The following GRK5 variants were observed in gnomAD, a reference collection of about 807,000 sequenced individuals.
GRK5 encodes G protein-coupled receptor kinase 5.
Under a neutral mutation model 78.4 loss-of-function variants are expected in GRK5, and 40 were observed. The ratio of observed to expected loss-of-function variants is 0.51; its 90% CI spans 0.40 to 0.66. GRK5 has a LOEUF of 0.66. Ranked by LOEUF, GRK5 falls within the 30% of genes least tolerant of loss-of-function variation. The pLI is 0.00. For missense variants in GRK5, 598 were observed against 759.9 expected (o/e 0.79, Z 2.50); for synonymous variants, 289 against 296.8 (o/e 0.97, Z 0.27).
At chr10:119,234,191 T>C (rs576371080) in intron 1 of GRK5, among the ~76,000 whole-genome samples, 5 of 152,242 alleles carry the variant, frequency 3.3e-5, no homozygotes, top group Non-Finnish European at 7.3e-5. Context: ...TATTTTTATC[T>C]TAATTCCACA....
In GRK5 at chr10:119,451,740, C is replaced by T. The variant is rs551333277; in HGVS notation, c.1405-931C>T. Among the ~76,000 whole-genome samples, 9 of 152,348 alleles carry T rather than the reference C, an allele frequency of 5.9e-5. No individual in the cohort carries two copies. The Middle Eastern group carries it at 0.024, about 403-fold the overall frequency. On this transcript the variant is annotated intron_variant, in intron 13 of 15. Transcript: ENST00000392870. ...TTGAGCCTTGAGCTGGAGACCAGAG[C>T]AGACTGGAGGGGAGAGTCCCAGAAA... is the stretch of plus-strand genomic sequence containing the variant.
At chr10:119,424,929 C>T (rs1852642793) in intron 5 of GRK5, 64 bp from the exon 6 acceptor site, 1 of 1,169,346 alleles carries the variant, frequency 8.6e-7, no homozygotes, top group Non-Finnish European at 1.3e-6. Context: ...CTGGACACAG[C>T]TTTGCCCCCC....
At chr10:119,266,039 C>A (rs1387567976) in intron 1 of GRK5, among the ~76,000 whole-genome samples, 1 of 152,238 alleles carries the variant, frequency 6.6e-6, no homozygotes, top group Non-Finnish European at 1.5e-5. Context: ...TACCAGGAGA[C>A]AGAGGGCATC....
At chr10:119,362,411 A>C (rs1350596610) in intron 2 of GRK5, among the ~76,000 whole-genome samples, 1 of 152,236 alleles carries the variant, frequency 6.6e-6, no homozygotes, top group East Asian at 1.9e-4. Flanking sequence ...TTGGGAAAAC[A>C]AATGTGATTC....
chr10:119,306,255 C>T (rs143329964), intron 1 of GRK5, among the ~76,000 whole-genome samples: 2 of 152,318 alleles, frequency 1.3e-5, no homozygotes, highest in East Asian at 3.9e-4. Flanking sequence ...AACAGGCCAT[C>T]TGTGTGAGGT....
chr10:119,410,693 A>C (rs1852322494), intron 4 of GRK5, among the ~76,000 whole-genome samples: 1 of 152,008 alleles, frequency 6.6e-6, no homozygotes, highest in South Asian at 2.1e-4. Context: ...GGTCTAGAAA[A>C]GTGTCAGTTC....
chr10:119,374,153 C>T (rs1013660768), intron 2 of GRK5, among the ~76,000 whole-genome samples: 2 of 152,184 alleles, frequency 1.3e-5, no homozygotes, highest in Admixed American at 6.5e-5. Flanking sequence ...TAATCATCTG[C>T]ATTTGTGAAG....
At chr10:119,276,026 TG>T (rs1849664775) in intron 1 of GRK5, among the ~76,000 whole-genome samples, 1 of 152,184 alleles carries the variant, frequency 6.6e-6, no homozygotes, top group Non-Finnish European at 1.5e-5. Flanking sequence ...CTCCTCTGTT[TG>T]CCAGATTAAA....
rs1852808854 is a variant in GRK5 at position 119,431,153 on chromosome 10, A to G, written c.598-234A>G. 6.6e-6 allele frequency among the ~76,000 whole-genome samples: 1 copy of G among 152,072 alleles called. No homozygotes were observed. The highest frequency in any genetic ancestry group is 6.6e-5 in the Admixed American group (1 of 15,256). ...GTGAGTGGCTCATTCTGCCCCTTCC[A>G]GGGCTGGGAATCCTTGAAGGAGAGG... On this transcript the variant is annotated intron_variant, in intron 7 of 15. Transcript: ENST00000392870. The surrounding 1 kb of genome is among the most constrained non-coding windows in gnomAD (Gnocchi z 4.8).
chr10:119,210,648 G>T (rs1848472373), intron 1 of GRK5, among the ~76,000 whole-genome samples: 1 of 152,166 alleles, frequency 6.6e-6, no homozygotes, highest in African/African-American at 2.4e-5. Flanking sequence ...ACTTCTTAAA[G>T]ATTCTTGTCA....
At chr10:119,215,655 T>C (rs1848559811) in intron 1 of GRK5, among the ~76,000 whole-genome samples, 2 of 151,948 alleles carry the variant, frequency 1.3e-5, no homozygotes, top group Admixed American at 1.3e-4. Context: ...GGGGTTAAGC[T>C]ACCATATCCT....
intron 2 of GRK5, among the ~76,000 whole-genome samples, chr10:119,351,954 A>G (rs192414483): frequency 2.6e-5 from 4 of 152,232 alleles, no homozygotes; most frequent in African/African-American, 9.6e-5. Flanking sequence ...CCACTATGCT[A>G]TATGGCAATT....
chr10:119,296,240 A>G (rs370979560), intron 1 of GRK5, among the ~76,000 whole-genome samples: 1 of 152,334 alleles, frequency 6.6e-6, no homozygotes, highest in South Asian at 2.1e-4. Context: ...TCCCATTTAG[A>G]TGCTCAGCTG....
chr10:119,255,038 CA>C (rs11427427), intron 1 of GRK5, among the ~76,000 whole-genome samples: 9,414 of 113,540 alleles, frequency 0.083, 316 homozygotes, highest in Admixed American at 0.14. Context: ...GACTCAGTCT[CA>C]AAAAAAAAAA....
At chr10:119,342,059 G>T (rs1850992260) in intron 2 of GRK5, among the ~76,000 whole-genome samples, 1 of 145,188 alleles carries the variant, frequency 6.9e-6, no homozygotes, top group South Asian at 2.3e-4. Context: ...TGTCATGTCA[G>T]CCCTGTCTGG....
At chr10:119,423,933 T>C (rs1852621936) in intron 5 of GRK5, among the ~76,000 whole-genome samples, 1 of 152,204 alleles carries the variant, frequency 6.6e-6, no homozygotes, top group Non-Finnish European at 1.5e-5. Context: ...ATTGAGTACC[T>C]ACTGTGTACC....
intron 1 of GRK5, among the ~76,000 whole-genome samples, chr10:119,308,597 T>C (rs1850309776): frequency 6.6e-6 from 1 of 152,240 alleles, no homozygotes; most frequent in Non-Finnish European, 1.5e-5. Flanking sequence ...TGTGTTTTTC[T>C]TCCCGGTGAC....
At chr10:119,222,623 G>C (rs1459372012) in intron 1 of GRK5, among the ~76,000 whole-genome samples, 1 of 152,134 alleles carries the variant, frequency 6.6e-6, no homozygotes, top group African/African-American at 2.4e-5. Flanking sequence ...CTCCCTCCGA[G>C]ATAAGCTTGG....
chr10:119,317,562 A>AG (rs965777731), intron 1 of GRK5, among the ~76,000 whole-genome samples: 1 of 152,030 alleles, frequency 6.6e-6, no homozygotes, highest in African/African-American at 2.4e-5. Context: ...CCGGTATAGG[A>AG]GGGGCCTCAT....
Sources: allele counts gnomAD v4.1 joint callset (sites outside exome capture counted in the v4.1 genomes callset), GRCh38; gene constraint gnomAD v4.1.1; non-coding constraint Gnocchi (gnomAD v3.1); transcripts MANE v1.5; gene names NCBI Gene and HGNC (gene_info 2026-07-23, HGNC 2026-07-21).